Variants in TET1 observed in about 807,000 individuals in gnomAD.
TET1 encodes the protein methylcytosine dioxygenase TET1.
A neutral mutation model predicts 148.7 loss-of-function variants in TET1; 13 were observed. The ratio of observed to expected loss-of-function variants is 0.09; its 90% CI spans 0.06 to 0.14. The LOEUF (loss-of-function observed/expected upper bound fraction) is 0.14. Among genes scored for constraint, TET1 ranks in the 10% least tolerant of loss-of-function variants. The probability of loss-of-function intolerance (pLI) is 1.00; values close to 1 mark genes in which losing one functional copy is unlikely to be tolerated. For missense variants in TET1, 2,182 were observed against 2,553.8 expected, an observed-to-expected ratio of 0.85 and a Z score of 3.14; for synonymous variants, 907 against 937.2, an observed-to-expected ratio of 0.97 and a Z score of 0.59.
At chr10:68,603,650 A>G (rs890706479) in intron 3 of TET1, among the ~76,000 whole-genome samples, 1 of 152,138 alleles carries the variant, frequency 6.6e-6, no homozygotes, top group African/African-American at 2.4e-5. Flanking sequence ...GTGCACTTCT[A>G]GTCCTAGCTA....
At chr10:68,600,172 G>T (rs1190723782) in intron 2 of TET1, among the ~76,000 whole-genome samples, 1 of 152,034 alleles carries the variant, frequency 6.6e-6, no homozygotes, top group African/African-American at 2.4e-5. Context: ...AAGTAAAAAT[G>T]CACAATACCT....
At chr10:68,602,881 T>C (rs76333725) in intron 3 of TET1, among the ~76,000 whole-genome samples, 1 of 152,216 alleles carries the variant, frequency 6.6e-6, no homozygotes, top group Non-Finnish European at 1.5e-5. Flanking sequence ...TAATTTTTTT[T>C]CTCATCCAAA....
intron 8 of TET1, among the ~76,000 whole-genome samples, chr10:68,680,981 G>A (rs764859242): frequency 6.6e-6 from 1 of 152,168 alleles, no homozygotes; most frequent in Non-Finnish European, 1.5e-5. Context: ...GGTGTTTTAT[G>A]TATGTACTCT....
Position 68,586,350 on chromosome 10 carries a change from G to T in TET1, c.1914+12098G>T, listed in dbSNP as rs1411343200. Among the ~76,000 whole-genome samples, 6 of 152,096 alleles carry T rather than the reference G, an allele frequency of 3.9e-5. 1 individual carries two copies. Reference sequence around the variant, plus strand: ...CAACCACCACTCCCAGCTAATTTTTGTATTTTTAGCAGAGACAGGGTTTCA... The same window carrying T: ...CAACCACCACTCCCAGCTAATTTTTTTATTTTTAGCAGAGACAGGGTTTCA... On this transcript the variant is annotated intron_variant, in intron 2 of 11. Coordinates refer to ENST00000373644, the MANE Select transcript of TET1 (RefSeq NM_030625.3).
chr10:68,577,092 A>T (rs1200079069), intron 2 of TET1, among the ~76,000 whole-genome samples: 1 of 152,098 alleles, frequency 6.6e-6, no homozygotes, highest in Non-Finnish European at 1.5e-5. Flanking sequence ...TTGTATTTTT[A>T]GTAGAGACAG....
Position 68,691,089 on chromosome 10 carries a change from G to C in TET1, c.5686G>C (p.Ala1896Pro). ...GRLSGANAAA[A>P]DGPGISQLGE... ...ACTCAGTGGTGCCAATGCAGCTGCT[G>C]CTGATGGCCCTGGCATTTCACAGCT... The change falls in exon 12 of 12, where the codon GCT becomes CCT. Residue 1896 changes from alanine (A) to proline (P), a missense_variant. This residue lies in a region of TET1 where 380 missense variants were observed against 387.9 expected (regional missense o/e 0.98). Coordinates refer to ENST00000373644, the MANE Select transcript of TET1 (RefSeq NM_030625.3). This position sits in a 1 kb window ranked among gnomAD's most constrained non-coding sequence, Gnocchi z 4.4. 6.2e-7 allele frequency: 1 copy of C among 1,614,254 alleles called. No individual in the cohort carries two copies. Among genetic ancestry groups the C allele is most frequent in the Non-Finnish European group, 8.5e-7 (1 of 1,180,052 alleles).
At chr10:68,595,085 C>T (rs2053962638) in intron 2 of TET1, among the ~76,000 whole-genome samples, 1 of 147,568 alleles carries the variant, frequency 6.8e-6, no homozygotes, top group African/African-American at 2.5e-5. Context: ...CCCAGGAGTT[C>T]GAGGTTGCAG....
At chr10:68,621,830 T>C (rs751308206) in intron 3 of TET1, among the ~76,000 whole-genome samples, 8 of 152,202 alleles carry the variant, frequency 5.3e-5, no homozygotes, top group Non-Finnish European at 1.2e-4. Context: ...TCCCTATATC[T>C]AAAAGTTCTG....
intron 6 of TET1, among the ~76,000 whole-genome samples, chr10:68,662,986 G>T (rs1157156161): frequency 6.6e-6 from 1 of 152,154 alleles, no homozygotes; most frequent in East Asian, 1.9e-4. Flanking sequence ...ATTTAGAAGG[G>T]CAGTTCCCTT....
intron 2 of TET1, among the ~76,000 whole-genome samples, chr10:68,594,822 T>C (rs1055051172): frequency 2.0e-5 from 3 of 151,654 alleles, no homozygotes; most frequent in Non-Finnish European, 4.4e-5. Flanking sequence ...CTATTGAAAA[T>C]ACAAAAATTA....
intron 8 of TET1, among the ~76,000 whole-genome samples, chr10:68,676,554 G>A (rs968808347): frequency 5.9e-5 from 9 of 151,672 alleles, no homozygotes; most frequent in African/African-American, 1.2e-4. Context: ...GATTACAGGC[G>A]TAAGCCACCG....
intron 3 of TET1, among the ~76,000 whole-genome samples, chr10:68,642,219 C>T (rs4558056): frequency 0.19 from 29,270 of 152,010 alleles, 3,515 homozygotes; most frequent in Admixed American, 0.25. Flanking sequence ...TTCAGTCCAG[C>T]ACTTCAAAAT....
rs143444719 is a variant in TET1, at chr10:68,564,509, T to C, written c.-123+3767T>C. Among the ~76,000 whole-genome samples, 27 of 152,288 alleles carry C rather than the reference T, an allele frequency of 1.8e-4. 1 individual carries two copies. In the East Asian group the frequency reaches 5.2e-3, roughly 29 times the overall value. ...GCTCTCTGGTGAAAAGATCTGTTGATTGAGTAATGTTTTACATCCCAGAAA... is the reference window on the plus strand; with the variant it reads ...GCTCTCTGGTGAAAAGATCTGTTGACTGAGTAATGTTTTACATCCCAGAAA... On this transcript the variant is annotated intron_variant, in intron 1 of 11. Coordinates refer to ENST00000373644, the MANE Select transcript of TET1 (RefSeq NM_030625.3).
At position 68,640,418 on chromosome 10, in the gene TET1, C is replaced by T. The variant is rs531611942; in HGVS notation, c.1969-4280C>T. On this transcript the variant is annotated intron_variant, in intron 3 of 11. Coordinates refer to ENST00000373644, the MANE Select transcript of TET1 (RefSeq NM_030625.3). ...TGCTGGGATTATAGGCGCCTGCCAC[C>T]GTGTCCAGCTAATTTTTTTATTTTT... Among the ~76,000 whole-genome samples the T allele has an allele frequency of 2.4e-3, 369 of 151,304 alleles. 3 individuals are homozygous for T. Among genetic ancestry groups the T allele is most frequent in the African/African-American group, 8.3e-3 (341 of 41,208 alleles).
At chr10:68,658,109 C>T (rs2055052197) in intron 6 of TET1, among the ~76,000 whole-genome samples, 1 of 152,114 alleles carries the variant, frequency 6.6e-6, no homozygotes, top group South Asian at 2.1e-4. Context: ...TATCAAGCAT[C>T]GTTTCATGAT....
chr10:68,614,265 C>G (rs907384027), intron 3 of TET1, among the ~76,000 whole-genome samples: 1 of 152,108 alleles, frequency 6.6e-6, no homozygotes, highest in African/African-American at 2.4e-5. Flanking sequence ...ACAAATGATA[C>G]AATTATACTA....
At chr10:68,607,672 C>T (rs945004773) in intron 3 of TET1, among the ~76,000 whole-genome samples, 1 of 151,434 alleles carries the variant, frequency 6.6e-6, no homozygotes, top group African/African-American at 2.4e-5. Context: ...AATCCATTCT[C>T]CTCAGGCTCC....
rs559513598 is a variant in TET1 at position 68,608,883 on chromosome 10, G to A, written c.1968+7849G>A. 3.3e-5 allele frequency among the ~76,000 whole-genome samples: 5 copies of A among 152,140 alleles called. No homozygotes were observed. In the East Asian group the frequency reaches 7.7e-4, roughly 23 times the overall value. ...AAAATTTTTTTTAATACAAAAGAGGGGTCTCAAATGTTGCCCAGGGTGGTC... is the reference window on the plus strand; with the variant it reads ...AAAATTTTTTTTAATACAAAAGAGGAGTCTCAAATGTTGCCCAGGGTGGTC... On this transcript the variant is annotated intron_variant, in intron 3 of 11. Coordinates refer to ENST00000373644, the MANE Select transcript of TET1 (RefSeq NM_030625.3).
At chr10:68,623,342 GC>G (rs1589084774) in intron 3 of TET1, among the ~76,000 whole-genome samples, 1 of 151,998 alleles carries the variant, frequency 6.6e-6, no homozygotes, top group East Asian at 1.9e-4. Context: ...TATTCTATGG[GC>G]TATAAACTAT....
Sources: allele counts gnomAD v4.1 joint callset (sites outside exome capture counted in the v4.1 genomes callset), GRCh38; gene constraint gnomAD v4.1.1; regional missense constraint gnomAD v4.1.1; non-coding constraint Gnocchi (gnomAD v3.1); transcripts MANE v1.5; gene names NCBI Gene and HGNC (gene_info 2026-07-23, HGNC 2026-07-21).